SRCAP: variants seen among roughly 807,000 people sequenced by gnomAD.
SRCAP encodes the protein Snf2 related CREBBP activator protein.
SRCAP carries 46 observed loss-of-function variants against 263.1 expected under a neutral mutation model. The observed-to-expected ratio is 0.17, with a 90% CI of 0.14 to 0.22. The LOEUF (loss-of-function observed/expected upper bound fraction) is 0.22. SRCAP is among the 10% of genes least tolerant of loss of function. The pLI is 1.00. For missense variants in SRCAP, 3,695 were observed against 4,181.9 expected (o/e 0.88, Z 3.21); for synonymous variants, 1,813 against 1,662.1 (o/e 1.09, Z -2.21).
rs1003156235 is a variant in SRCAP at position 30,712,248 on chromosome 16, T to C, written c.1816-14T>C. ...CTCATTTCCATTGTGTTACCTATATTTCCTCTCTGACAGGTAAAGACGCCC... is the reference window on the plus strand; with the variant it reads ...CTCATTTCCATTGTGTTACCTATATCTCCTCTCTGACAGGTAAAGACGCCC... On this transcript the variant is annotated splice_polypyrimidine_tract_variant and intron_variant, in intron 12 of 33. Transcript: ENST00000262518. The C allele has an allele frequency of 6.3e-7, 1 of 1,593,160 alleles. No individual in the cohort carries two copies. Among genetic ancestry groups the C allele is most frequent in the Non-Finnish European group, 8.6e-7 (1 of 1,168,808 alleles).
In SRCAP at chr16:30,722,328, TC is replaced by T. The variant is rs1412879834; in HGVS notation, c.3706+45del. 3.1e-6 allele frequency: 5 copies of T among 1,587,306 alleles called. No homozygotes were observed. In the African/African-American group the frequency reaches 5.4e-5, roughly 17 times the overall value. On this transcript the variant is annotated intron_variant, in intron 22 of 33. Coordinates refer to ENST00000262518, the MANE Select transcript of SRCAP (RefSeq NM_006662.3). ...CCCTGTCCTGCCTTTTTCCTCCTCT[TC>T]CCTGTCTCTTTGTTTTTGTGACTTT... is the stretch of plus-strand genomic sequence containing the variant.
intron 16 of SRCAP, among the ~76,000 whole-genome samples, chr16:30,714,190 G>A (rs1024155077): frequency 8.0e-5 from 12 of 150,824 alleles, no homozygotes; most frequent in African/African-American, 2.9e-4. Flanking sequence ...TCAGCCTCCC[G>A]AGTAGCTGGG....
chr16:30,705,174 G>C (rs1002962859), intron 4 of SRCAP, among the ~76,000 whole-genome samples: 2 of 152,130 alleles, frequency 1.3e-5, no homozygotes, highest in Non-Finnish European at 2.9e-5. Flanking sequence ...GGTGGCGCAG[G>C]CCTGTAGTCC....
chr16:30,708,696 A>C (rs2052854170), intron 6 of SRCAP, among the ~76,000 whole-genome samples: 1 of 152,056 alleles, frequency 6.6e-6, no homozygotes, highest in African/African-American at 2.4e-5. Context: ...ACCTGGCCTA[A>C]AAATATTTTT....
intron 6 of SRCAP, among the ~76,000 whole-genome samples, chr16:30,708,167 C>T (rs1029771104): frequency 1.3e-5 from 2 of 152,176 alleles, no homozygotes; most frequent in African/African-American, 2.4e-5. Flanking sequence ...CTTTATGCTG[C>T]TGGGAATGCT....
intron 18 of SRCAP, among the ~76,000 whole-genome samples, chr16:30,717,000 A>G (rs1222180733): frequency 6.6e-6 from 1 of 152,076 alleles, no homozygotes; most frequent in Non-Finnish European, 1.5e-5. Context: ...TGGTAATTCT[A>G]TTTCTGCATG....
chr16:30,722,139 A>G lies in SRCAP; in HGVS notation c.3559A>G (p.Ile1187Val), dbSNP rs1229632425. The G allele has an allele frequency of 3.7e-6, 6 of 1,614,004 alleles. No homozygotes were observed. The African/African-American group carries it at 5.3e-5, about 14-fold the overall frequency. Residue 1187 changes from isoleucine to valine, a missense_variant, in exon 22 of 34, where the codon ATC (isoleucine) becomes GTC (valine). By Grantham distance (29) the Ile-to-Val change is conservative. Coordinates refer to ENST00000262518, the MANE Select transcript of SRCAP (RefSeq NM_006662.3). ...GTTTTTAGCAGGCGAAGTGGTCAGCATCGGGCAGTTAGCCTCACTGGCACA... is the reference window on the plus strand; with the variant it reads ...GTTTTTAGCAGGCGAAGTGGTCAGCGTCGGGCAGTTAGCCTCACTGGCACA... The part of the protein sequence containing the change: ...ARLPSGEVVS[I>V]GQLASLAQRP...
At chr16:30,704,456 C>T (rs926693612) in intron 4 of SRCAP, 141 bp downstream of exon 4, 3 of 997,770 alleles carry the variant, frequency 3.0e-6, no homozygotes, top group Non-Finnish European at 4.3e-6. Flanking sequence ...TGATCGTGAG[C>T]AAACTGCTTG....
Position 30,709,598 on chromosome 16 carries a change from C to G in SRCAP, c.719C>G (p.Thr240Ser), listed in dbSNP as rs1243983708. 7 of 1,614,050 alleles carry G rather than the reference C, an allele frequency of 4.3e-6. No homozygotes were observed. The highest frequency in any genetic ancestry group is 4.2e-6 in the Non-Finnish European group (5 of 1,180,042). Residue 240 changes from threonine (T) to serine (S), a missense_variant, in exon 7 of 34, where the codon ACT becomes AGT. Transcript: ENST00000262518. ...DLHLDFIVGQ[T>S]EKYSDLLSQS... The stretch of plus-strand genomic sequence containing the variant: ...CATTTGGACTTCATTGTGGGGCAAA[C>G]TGAAAAGTACTCGGACCTTCTGTCT...
At position 30,738,509 on chromosome 16, in the gene SRCAP, G is replaced by T. The variant is rs747574187; in HGVS notation, c.8469G>T (p.Gln2823His). Reference protein sequence around the residue: ...PSSSLPTPPQQPFIARRHIEL... With the variant: ...PSSSLPTPPQHPFIARRHIEL... The stretch of plus-strand genomic sequence containing the variant: ...CCTCACTGCCCACTCCACCCCAGCA[G>T]CCCTTCATTGCTCGCCGTCACATTG... The change falls in exon 34 of 34, where the codon CAG becomes CAT. Residue 2823 changes from glutamine (Q) to histidine (H), a missense_variant. Coordinates refer to ENST00000262518, the MANE Select transcript of SRCAP (RefSeq NM_006662.3). 1 of 1,610,896 alleles carries T rather than the reference G, an allele frequency of 6.2e-7. No homozygotes were observed. Among genetic ancestry groups the T allele is most frequent in the African/African-American group, 1.3e-5 (1 of 74,806 alleles).
intron 24 of SRCAP, 75 bp downstream of exon 24, chr16:30,723,304 G>C: frequency 1.3e-6 from 2 of 1,519,254 alleles, no homozygotes; most frequent in Non-Finnish European, 1.8e-6. Context: ...AGGTTTCTTA[G>C]TTTTAGTACA....
At position 30,720,257 on chromosome 16, in the gene SRCAP, C is replaced by G. The variant is rs1405158608; in HGVS notation, c.2913C>G (p.Arg971=). 6.2e-7 allele frequency: 1 copy of G among 1,614,108 alleles called. No homozygotes were observed. Among genetic ancestry groups the G allele is most frequent in the Non-Finnish European group, 8.5e-7 (1 of 1,180,048 alleles). ...DTFLPRHRLS[R]RVLLEVATAP... is the part of the protein sequence containing the mutation. The stretch of plus-strand genomic sequence containing the variant: ...TTCTGCCCCGGCACCGCCTCTCTCG[C>G]CGGGTACTGTTAGAAGTGGCTACTG... Residue 971 remains arginine, a synonymous_variant, in exon 19 of 34, where the codon CGC becomes CGG. Transcript: ENST00000262518.
At chr16:30,736,170 GTTTTC>G in intron 31 of SRCAP, 25 bp from the exon 32 acceptor site, 1 of 1,611,956 alleles carries the variant, frequency 6.2e-7, no homozygotes, top group Non-Finnish European at 8.5e-7. Flanking sequence ...GAAGTCTCAT[GTTTTC>G]TTTTTCTTTT....
Position 30,737,342 on chromosome 16 carries a change from G to A in SRCAP, c.7302G>A (p.Glu2434=), listed in dbSNP as rs1422312755. 6.2e-7 allele frequency: 1 copy of A among 1,613,988 alleles called. No individual in the cohort carries two copies. The highest frequency in any genetic ancestry group is 1.1e-5 in the South Asian group (1 of 91,082). Reference sequence around the variant, plus strand: ...CACCCCGCTGCAGTCCTGCCAGGGAGCGAGTTCCCAGGCCAGCACCTAGGC... The same window carrying A: ...CACCCCGCTGCAGTCCTGCCAGGGAACGAGTTCCCAGGCCAGCACCTAGGC... ...TTPPRCSPAR[E]RVPRPAPRPR... The change falls in exon 34 of 34, where the codon GAG becomes GAA. Residue 2434 remains glutamate (E), a synonymous_variant. Coordinates refer to ENST00000262518, the MANE Select transcript of SRCAP (RefSeq NM_006662.3).
intron 18 of SRCAP, among the ~76,000 whole-genome samples, chr16:30,717,698 C>T (rs567804026): frequency 1.9e-4 from 28 of 147,020 alleles, no homozygotes; most frequent in African/African-American, 5.2e-4. Context: ...CTGCAACCTC[C>T]GCCTCCCAAG....
rs1454238937 is a variant in SRCAP at position 30,709,557 on chromosome 16, A to G, written c.678A>G (p.Lys226=). ...AGTCCCGGCTTGAGGAAAAGCGCAAAAAAGCCCTGGACCTGCATTTGGACT... is the reference window on the plus strand; with the variant it reads ...AGTCCCGGCTTGAGGAAAAGCGCAAGAAAGCCCTGGACCTGCATTTGGACT... ...KQQSRLEEKR[K]KALDLHLDFI... The change falls in exon 7 of 34, where the codon AAA becomes AAG. Residue 226 remains lysine, a synonymous_variant. Transcript: ENST00000262518. 1.2e-6 allele frequency: 2 copies of G among 1,614,022 alleles called. No homozygotes were observed. Among genetic ancestry groups the G allele is most frequent in the African/African-American group, 2.7e-5 (2 of 74,906 alleles).
At chr16:30,702,546 C>CTCCTTCCCTCCCTCCCTCCCT (rs1203721599) in intron 3 of SRCAP, among the ~76,000 whole-genome samples, 17 of 142,926 alleles carry the variant, frequency 1.2e-4, no homozygotes, top group African/African-American at 4.5e-4. Flanking sequence ...GTTTTCCACC[C>CTCCTTCCCTCCCTCCCTCCCT]TCCTTCCCTC....
Position 30,739,424 on chromosome 16 carries a change from C to G in SRCAP, c.9384C>G (p.Val3128=), listed in dbSNP as rs1319251890. ...RSTRLRPGSL[V]PPLETEKLPR... ...CCCGGCTGCGTCCAGGGTCTCTAGTCCCCCCACTAGAGACTGAGAAGTTGC... is the reference window on the plus strand; with the variant it reads ...CCCGGCTGCGTCCAGGGTCTCTAGTGCCCCCACTAGAGACTGAGAAGTTGC... The change falls in exon 34 of 34, where the codon GTC becomes GTG. Residue 3128 remains valine, a synonymous_variant. Transcript: ENST00000262518. 8.7e-6 allele frequency: 14 copies of G among 1,614,088 alleles called. No individual in the cohort carries two copies. Among genetic ancestry groups the G allele is most frequent in the African/African-American group, 1.3e-5 (1 of 74,944 alleles).
At chr16:30,729,324 A>T (rs1163872429) in intron 26 of SRCAP, 46 bp from the exon 27 acceptor site, 1 of 1,610,422 alleles carries the variant, frequency 6.2e-7, no homozygotes, top group African/African-American at 1.3e-5. Context: ...CTTCTGGGGC[A>T]TTTCAGAGTC....
Sources: allele counts gnomAD v4.1 joint callset (sites outside exome capture counted in the v4.1 genomes callset), GRCh38; gene constraint gnomAD v4.1.1; transcripts MANE v1.5; gene names NCBI Gene and HGNC (gene_info 2026-07-23, HGNC 2026-07-21).